The following PVT1 variants were observed in gnomAD, a reference collection of about 807,000 sequenced individuals.
The protein encoded by PVT1 is CXCR4/PVT1 fusion.
chr8:127,833,102 T>G (rs542617128), intron 2 of PVT1, among the ~76,000 whole-genome samples: 43 of 152,316 alleles, frequency 2.8e-4, no homozygotes, highest in Middle Eastern at 3.4e-3. Flanking sequence ...TCTTGGCCAC[T>G]TGGGGCTCTG....
At chr8:128,053,905 C>A (rs1325964741) in intron 4 of PVT1, among the ~76,000 whole-genome samples, 3 of 152,188 alleles carry the variant, frequency 2.0e-5, no homozygotes, top group Admixed American at 2.0e-4. Flanking sequence ...TCTGACAGGG[C>A]CCTCTGATCT....
intron 2 of PVT1, among the ~76,000 whole-genome samples, chr8:127,812,858 A>G (rs1174010807): frequency 2.0e-5 from 3 of 152,132 alleles, no homozygotes; most frequent in African/African-American, 4.8e-5. Flanking sequence ...TAGAAGCTTA[A>G]TATGCACTTG....
intron 3 of PVT1, among the ~76,000 whole-genome samples, chr8:127,924,350 T>A (rs1816101900): frequency 1.3e-5 from 2 of 152,200 alleles, no homozygotes; most frequent in Non-Finnish European, 2.9e-5. Context: ...TTTGTTTGTT[T>A]CTTTGAGACA....
chr8:128,091,004 A>C (rs536209326), intron 5 of PVT1, among the ~76,000 whole-genome samples: 1 of 152,224 alleles, frequency 6.6e-6, no homozygotes, highest in Admixed American at 6.5e-5. Flanking sequence ...CCTCTGTAAA[A>C]TGGGAATAAT....
At chr8:127,974,733 T>C (rs1256832543) in intron 3 of PVT1, among the ~76,000 whole-genome samples, 1 of 152,186 alleles carries the variant, frequency 6.6e-6, no homozygotes, top group Non-Finnish European at 1.5e-5. Flanking sequence ...ATTATTGATG[T>C]CATTTATTAC....
intron 2 of PVT1, among the ~76,000 whole-genome samples, chr8:127,872,453 C>T (rs553398336): frequency 2.0e-5 from 3 of 151,980 alleles, no homozygotes; most frequent in South Asian, 2.1e-4. Context: ...TTGGATTGTT[C>T]GTAACACAAA....
At chr8:127,971,143 G>A (rs1014275281) in intron 3 of PVT1, among the ~76,000 whole-genome samples, 1 of 152,240 alleles carries the variant, frequency 6.6e-6, no homozygotes, top group African/African-American at 2.4e-5. Flanking sequence ...CTGCACTTCT[G>A]ATTTCTAACT....
intron 4 of PVT1, among the ~76,000 whole-genome samples, chr8:127,992,741 G>C (rs893807737): frequency 7.9e-5 from 12 of 152,298 alleles, no homozygotes; most frequent in African/African-American, 2.6e-4. Flanking sequence ...AGACAGGATG[G>C]GCTTCTTCCC....
chr8:128,001,819 C>T lies in PVT1; in HGVS notation n.912+12528C>T, dbSNP rs141958180. Among the ~76,000 whole-genome samples, 1,059 of 152,298 alleles carry T rather than the reference C, an allele frequency of 7.0e-3. 17 individuals are homozygous for T. Among genetic ancestry groups the T allele is most frequent in the African/African-American group, 0.024 (1,012 of 41,540 alleles). On this transcript the variant is annotated intron_variant and non_coding_transcript_variant, in intron 4 of 10. Coordinates refer to ENST00000651587, the Ensembl canonical transcript of PVT1. ...TTCTTGGTTCAGTGTCTTCTTACCGCGTCCTCACATGGAGGAAGGGGCGAG... is the reference window on the plus strand; with the variant it reads ...TTCTTGGTTCAGTGTCTTCTTACCGTGTCCTCACATGGAGGAAGGGGCGAG...
chr8:127,809,942 C>G (rs184333039), intron 2 of PVT1, among the ~76,000 whole-genome samples: 107 of 152,204 alleles, frequency 7.0e-4, no homozygotes, highest in Non-Finnish European at 8.2e-4. Flanking sequence ...TTCATTTTGT[C>G]GGTGAAAAGC....
At chr8:128,019,096 A>T (rs1909458) in intron 4 of PVT1, among the ~76,000 whole-genome samples, 1 of 151,964 alleles carries the variant, frequency 6.6e-6, no homozygotes, top group African/African-American at 2.4e-5. Flanking sequence ...AGCGTTTCCC[A>T]CCTGCCAGAG....
At chr8:127,928,478 G>T (rs550396803) in intron 3 of PVT1, among the ~76,000 whole-genome samples, 1 of 152,260 alleles carries the variant, frequency 6.6e-6, no homozygotes, top group Admixed American at 6.5e-5. Flanking sequence ...CATCTGCTCT[G>T]CTCTGCCAGA....
At chr8:127,953,027 G>A (rs529779105) in intron 3 of PVT1, among the ~76,000 whole-genome samples, 1 of 152,296 alleles carries the variant, frequency 6.6e-6, no homozygotes, top group East Asian at 1.9e-4. Flanking sequence ...GCCTCCGAAA[G>A]TGCTGGGATT....
intron 2 of PVT1, among the ~76,000 whole-genome samples, chr8:127,848,538 C>G (rs1382864665): frequency 1.3e-5 from 2 of 152,136 alleles, no homozygotes; most frequent in Non-Finnish European, 2.9e-5. Flanking sequence ...ACAAAATTAG[C>G]CGGGCGTGGT....
intron 4 of PVT1, among the ~76,000 whole-genome samples, chr8:128,059,857 G>T (rs1392929021): frequency 6.6e-6 from 1 of 152,212 alleles, no homozygotes; most frequent in East Asian, 1.9e-4. Flanking sequence ...CTTGTTCCTA[G>T]AACTGGGACT....
At chr8:127,861,624 T>C (rs921083321) in intron 2 of PVT1, among the ~76,000 whole-genome samples, 5 of 152,200 alleles carry the variant, frequency 3.3e-5, no homozygotes, top group Non-Finnish European at 7.3e-5. Context: ...AAAAACTTGT[T>C]TTGAATATCT....
rs746229364 is a variant in PVT1 at position 128,051,542 on chromosome 8, C to T, written n.913-18618C>T. 4.4e-4 allele frequency among the ~76,000 whole-genome samples: 67 copies of T among 152,112 alleles called. 1 individual carries two copies. Among genetic ancestry groups the T allele is most frequent in the Admixed American group, 3.3e-4 (5 of 15,280 alleles). ...TAAATAAACTTTCTATCACCTTCTC[C>T]TCTGCTTTTATTCCTCCTCTTGAGT... On this transcript the variant is annotated intron_variant and non_coding_transcript_variant, in intron 4 of 10. Coordinates refer to ENST00000651587, the Ensembl canonical transcript of PVT1.
At chr8:128,037,372 T>G (rs759971884) in intron 4 of PVT1, among the ~76,000 whole-genome samples, 8 of 152,230 alleles carry the variant, frequency 5.3e-5, no homozygotes, top group Non-Finnish European at 1.2e-4. Context: ...TTTTCAGGTG[T>G]GGGTTTGGGG....
At chr8:127,859,054 C>T (rs1032983660) in intron 2 of PVT1, among the ~76,000 whole-genome samples, 2 of 151,956 alleles carry the variant, frequency 1.3e-5, no homozygotes, top group Admixed American at 6.6e-5. Flanking sequence ...GTGATTCTCC[C>T]GTCTTAGCTT....
Sources: allele counts gnomAD v4.1 joint callset (sites outside exome capture counted in the v4.1 genomes callset), GRCh38; gene constraint gnomAD v4.1.1; transcripts MANE v1.5; gene names NCBI Gene and HGNC (gene_info 2026-07-23, HGNC 2026-07-21).